NFKB1: variants seen among roughly 807,000 people sequenced by gnomAD.
NFKB1 encodes the protein nuclear factor kappa B subunit 1.
In NFKB1, 9 loss-of-function variants were observed where a neutral mutation model predicts 105.1. The ratio of observed to expected loss-of-function variants is 0.09; its 90% confidence interval spans 0.05 to 0.15. The LOEUF (loss-of-function observed/expected upper bound fraction) is 0.15, where lower values mean the gene tolerates loss of function less well. Among genes scored for constraint, NFKB1 ranks in the 10% least tolerant of loss-of-function variants. The pLI, the probability that NFKB1 is intolerant of heterozygous loss-of-function variation, is 1.00. For missense variants in NFKB1, 830 were observed against 1,203.7 expected (o/e 0.69, Z 4.59); for synonymous variants, 440 against 442.2 (o/e 1.00, Z 0.06).
chr4:102,573,984 G>A (rs1293001459), intron 6 of NFKB1, among the ~76,000 whole-genome samples: 1 of 151,486 alleles, frequency 6.6e-6, no homozygotes, highest in Non-Finnish European at 1.5e-5. Flanking sequence ...ATGTACTTGT[G>A]TACAAATTCT....
At chr4:102,603,488 C>T (rs1286894805) in intron 16 of NFKB1, among the ~76,000 whole-genome samples, 1 of 152,124 alleles carries the variant, frequency 6.6e-6, no homozygotes, top group East Asian at 1.9e-4. Flanking sequence ...ATTGATACTT[C>T]TATCCCTTCT....
At chr4:102,585,575 T>C (rs1725643952) in intron 11 of NFKB1, among the ~76,000 whole-genome samples, 1 of 152,196 alleles carries the variant, frequency 6.6e-6, no homozygotes, top group Admixed American at 6.5e-5. Flanking sequence ...GAGTAAGGCA[T>C]CATTCTTTCT....
rs762107099 is a variant in NFKB1, at chr4:102,576,956, T to C, written c.488T>C (p.Ile163Thr). Residue 163 changes from isoleucine to threonine, a missense_variant, in exon 7 of 24, where the codon ATA (isoleucine) becomes ACA (threonine). Around this residue, in one of 8 missense-constraint regions of NFKB1, gnomAD observed 80 missense variants for 122.6 expected, o/e 0.65. Transcript: ENST00000226574. ...TLEARMTEAC[I>T]RGYNPGLLVH... is the part of the protein sequence containing the mutation. ...GAAGCACGAATGACAGAGGCGTGTA[T>C]AAGGGGCTATAATCCTGGACTCTTG... 1 of 1,613,732 alleles carries C rather than the reference T, an allele frequency of 6.2e-7. No individual in the cohort carries two copies. Among genetic ancestry groups the C allele is most frequent in the Middle Eastern group, 1.6e-4 (1 of 6,084 alleles).
At chr4:102,565,491 T>C (rs561305949) in intron 5 of NFKB1, among the ~76,000 whole-genome samples, 1 of 152,322 alleles carries the variant, frequency 6.6e-6, no homozygotes, top group South Asian at 2.1e-4. Context: ...AAGAAAATTG[T>C]ACCAAAACCC....
At position 102,596,206 on chromosome 4, in the gene NFKB1, A is replaced by G; in HGVS notation, c.1369A>G (p.Asn457Asp). The G allele has an allele frequency of 6.2e-7, 1 of 1,613,630 alleles. No homozygotes were observed. ...CAAAAGTGATGACAAAAACACTGTA[A>G]ACCTCTTTGGGAAAGTTATTGAAAC... ...CDKSDDKNTV[N>D]LFGKVIETTE... The change falls in exon 14 of 24, where the codon AAC becomes GAC. Residue 457 changes from asparagine (N) to aspartate (D), a missense_variant. Around this residue, in one of 8 missense-constraint regions of NFKB1, gnomAD observed 163 missense variants for 164.3 expected, o/e 0.99. Coordinates refer to ENST00000226574, the MANE Select transcript of NFKB1 (RefSeq NM_003998.4).
At chr4:102,538,648 A>G (rs1389879875) in intron 5 of NFKB1, among the ~76,000 whole-genome samples, 7 of 152,224 alleles carry the variant, frequency 4.6e-5, no homozygotes, top group Non-Finnish European at 1.0e-4. Context: ...TTATTTGAGA[A>G]TATTTTTCTT....
intron 19 of NFKB1, 79 bp from the exon 20 acceptor site, chr4:102,610,496 T>G: frequency 6.6e-7 from 1 of 1,521,216 alleles, no homozygotes; most frequent in Non-Finnish European, 9.0e-7. Flanking sequence ...TGCTTTGCCT[T>G]TGGGAATCTG....
intron 1 of NFKB1, among the ~76,000 whole-genome samples, chr4:102,524,122 A>G (rs1740743430): frequency 6.6e-6 from 1 of 152,170 alleles, no homozygotes; most frequent in African/African-American, 2.4e-5. Flanking sequence ...CATATCTAAA[A>G]TTTGATCTAA....
At chr4:102,541,701 C>G (rs1371079028) in intron 5 of NFKB1, among the ~76,000 whole-genome samples, 3 of 152,126 alleles carry the variant, frequency 2.0e-5, no homozygotes, top group Admixed American at 6.6e-5. Flanking sequence ...GCCATTCCCA[C>G]AGGAACTTCA....
intron 2 of NFKB1, among the ~76,000 whole-genome samples, chr4:102,528,828 C>T (rs745451972): frequency 1.3e-5 from 2 of 152,076 alleles, no homozygotes; most frequent in African/African-American, 4.8e-5. Context: ...AACACATTAC[C>T]ACATACTTGG....
intron 4 of NFKB1, among the ~76,000 whole-genome samples, chr4:102,537,187 T>C (rs534465503): frequency 1.3e-5 from 2 of 152,312 alleles, no homozygotes; most frequent in South Asian, 4.1e-4. Context: ...TAACTATATC[T>C]ATAAAATTTC....
intron 22 of NFKB1, among the ~76,000 whole-genome samples, chr4:102,613,169 C>T (rs1023333466): frequency 2.0e-5 from 3 of 152,208 alleles, no homozygotes; most frequent in East Asian, 1.9e-4. Context: ...ACTGCCTCAG[C>T]GCTTCTCTCG....
intron 1 of NFKB1, among the ~76,000 whole-genome samples, chr4:102,514,140 A>C (rs935598872): frequency 4.6e-5 from 7 of 151,826 alleles, no homozygotes; most frequent in Admixed American, 4.6e-4. Context: ...GCGCCACTGC[A>C]CTCCAGCCTG....
intron 1 of NFKB1, among the ~76,000 whole-genome samples, chr4:102,510,394 C>T (rs190971612): frequency 3.3e-5 from 5 of 152,284 alleles, no homozygotes; most frequent in Non-Finnish European, 2.9e-5. Context: ...TAATTAACTT[C>T]TCTGAGTCTT....
intron 5 of NFKB1, among the ~76,000 whole-genome samples, chr4:102,550,117 CT>C (rs2149142010): frequency 6.6e-6 from 1 of 152,008 alleles, no homozygotes; most frequent in East Asian, 1.9e-4. Context: ...CTCGTGGATT[CT>C]TTTGTTATTC....
chr4:102,541,031 T>TA, intron 5 of NFKB1, among the ~76,000 whole-genome samples: 1 of 152,288 alleles, frequency 6.6e-6, no homozygotes, highest in African/African-American at 2.4e-5. Context: ...TAGATACATC[T>TA]AAAGTTTCTC....
intron 16 of NFKB1, among the ~76,000 whole-genome samples, chr4:102,603,448 G>A (rs1435954238): frequency 2.6e-5 from 4 of 152,026 alleles, no homozygotes; most frequent in African/African-American, 9.7e-5. Flanking sequence ...TCTCCAGTGT[G>A]TTAGAGACAA....
At chr4:102,597,192 T>C (rs1166559337) in intron 14 of NFKB1, among the ~76,000 whole-genome samples, 1 of 152,258 alleles carries the variant, frequency 6.6e-6, no homozygotes, top group African/African-American at 2.4e-5. Flanking sequence ...AAAATCATGG[T>C]AAAATCTAAC....
chr4:102,593,551 C>G lies in NFKB1; in HGVS notation c.1193C>G (p.Thr398Ser), dbSNP rs535214258. The part of the protein sequence containing the change: ...MFGSGGGGGG[T>S]GSTGPGYSFP... ...GGTAGTGGCGGTGGAGGAGGGGGCA[C>G]TGGAAGTACAGGTCCAGGTACAAAA... Residue 398 changes from threonine (T) to serine (S), a missense_variant, in exon 12 of 24, where the codon ACT becomes AGT. This residue lies in a region of NFKB1 where 163 missense variants were observed against 164.3 expected (regional missense o/e 0.99). Coordinates refer to ENST00000226574, the MANE Select transcript of NFKB1 (RefSeq NM_003998.4). The G allele has an allele frequency of 6.2e-7, 1 of 1,613,558 alleles. No homozygotes were observed. The highest frequency in any genetic ancestry group is 1.1e-5 in the South Asian group (1 of 91,044).
Sources: gnomAD v4.1 joint callset for allele counts (sites outside exome capture counted in the v4.1 genomes callset) on GRCh38, gnomAD v4.1.1 for gene constraint, gnomAD v4.1.1 regional missense constraint, MANE v1.5 for transcripts, NCBI Gene and HGNC (gene_info 2026-07-23, HGNC 2026-07-21) for gene names.